RSPH9: variants seen among roughly 807,000 people sequenced by gnomAD.
RSPH9 encodes the protein radial spoke head component 9.
A neutral mutation model predicts 27.0 loss-of-function variants in RSPH9; 27 were observed. The ratio of observed to expected loss-of-function variants is 1.00; its 90% confidence interval spans 0.74 to 1.38. RSPH9 has a LOEUF of 1.38. Among genes scored for constraint, RSPH9 ranks in the 40% most tolerant of loss-of-function variants. The probability of loss-of-function intolerance (pLI) is 0.00; values close to 1 mark genes in which losing one functional copy is unlikely to be tolerated. For synonymous variants in RSPH9, 145 were observed against 147.7 expected (o/e 0.98, Z 0.13); for missense variants, 347 against 357.4 (o/e 0.97, Z 0.24).
At chr6:43,663,551 ATTGT>A (rs1264630302) in intron 4 of RSPH9, among the ~76,000 whole-genome samples, 1 of 152,038 alleles carries the variant, frequency 6.6e-6, no homozygotes, top group Non-Finnish European at 1.5e-5. Context: ...TAATTTCATG[ATTGT>A]TGTGTCTCAG....
chr6:43,671,736 AG>A lies in RSPH9; in HGVS notation c.*789del. ...TCCTACTCCCCAGCACAGGTGCAGGAGGAACTCTGGAAGCACTGCTCTCTGT... is the reference window on the plus strand; with the variant it reads ...TCCTACTCCCCAGCACAGGTGCAGGAGAACTCTGGAAGCACTGCTCTCTGT... On this transcript the variant is annotated 3_prime_UTR_variant, in exon 5 of 5. Coordinates refer to ENST00000372163, the MANE Select transcript of RSPH9 (RefSeq NM_152732.5). 1 of 1,613,960 alleles carries A rather than the reference AG, an allele frequency of 6.2e-7. No homozygotes were observed. The highest frequency in any genetic ancestry group is 8.5e-7 in the Non-Finnish European group (1 of 1,179,898).
At chr6:43,659,575 G>T (rs903695498) in intron 4 of RSPH9, among the ~76,000 whole-genome samples, 1 of 151,582 alleles carries the variant, frequency 6.6e-6, no homozygotes, top group Non-Finnish European at 1.5e-5. Context: ...ATAGAGTTGG[G>T]GTTTCACTGT....
At position 43,655,639 on chromosome 6, in the gene RSPH9, C is replaced by T. The variant is rs772977982; in HGVS notation, c.471C>T (p.Gly157=). Residue 157 remains glycine, a synonymous_variant, in exon 3 of 5, where the codon GGC becomes GGT. Coordinates refer to ENST00000372163, the MANE Select transcript of RSPH9 (RefSeq NM_152732.5). ...AGGCTGTGGCCATCATCCCCCGAGGCGCCCTCTTCAAGACCCCTTTTGGAC... is the reference window on the plus strand; with the variant it reads ...AGGCTGTGGCCATCATCCCCCGAGGTGCCCTCTTCAAGACCCCTTTTGGAC... ...IDKAVAIIPR[G]ALFKTPFGPT... is the part of the protein sequence containing the mutation. The T allele has an allele frequency of 1.7e-5, 28 of 1,614,044 alleles. No homozygotes were observed. Among genetic ancestry groups the T allele is most frequent in the Middle Eastern group, 3.3e-4 (2 of 6,084 alleles).
At chr6:43,659,184 T>C (rs2127916120) in intron 4 of RSPH9, among the ~76,000 whole-genome samples, 1 of 152,192 alleles carries the variant, frequency 6.6e-6, no homozygotes, top group Admixed American at 6.5e-5. Context: ...TAGTTCTTTT[T>C]CTTCTTCCAC....
At chr6:43,646,749 T>C (rs976436709) in intron 1 of RSPH9, among the ~76,000 whole-genome samples, 3 of 147,770 alleles carry the variant, frequency 2.0e-5, no homozygotes, top group Admixed American at 2.0e-4. Context: ...GATCACGAGG[T>C]CAGGAGATTG....
At chr6:43,655,912 G>A (rs1382343884) in intron 3 of RSPH9, among the ~76,000 whole-genome samples, 1 of 152,110 alleles carries the variant, frequency 6.6e-6, no homozygotes, top group African/African-American at 2.4e-5. Flanking sequence ...AGGAGTGGGA[G>A]AGCATATAGT....
rs567964345 is a variant in RSPH9, at chr6:43,659,927, G to T, written c.670+3204G>T. 1.8e-4 allele frequency among the ~76,000 whole-genome samples: 27 copies of T among 151,482 alleles called. No individual in the cohort carries two copies. In the South Asian group the frequency reaches 4.8e-3, roughly 27 times the overall value. On this transcript the variant is annotated intron_variant, in intron 4 of 4. Transcript: ENST00000372163. ...TTAAAAATATTTTTAGTAGAGACAG[G>T]GTTTCACCAAGTTGTCCAGGCTGCT...
chr6:43,647,133 CAAAT>C (rs529012199), intron 1 of RSPH9, among the ~76,000 whole-genome samples: 2 of 135,830 alleles, frequency 1.5e-5, no homozygotes, highest in Non-Finnish European at 3.5e-5. Flanking sequence ...TGTCTCAAAA[CAAAT>C]AAATAAATAA....
At chr6:43,648,468 A>G (rs569644033) in intron 1 of RSPH9, among the ~76,000 whole-genome samples, 1 of 152,338 alleles carries the variant, frequency 6.6e-6, no homozygotes, top group Admixed American at 6.5e-5. Context: ...GTGGAACCGC[A>G]TGGAGACTAG....
intron 3 of RSPH9, 56 bp from the exon 4 acceptor site, chr6:43,656,521 G>A (rs1250610800): frequency 1.7e-5 from 27 of 1,608,178 alleles, no homozygotes; most frequent in Non-Finnish European, 2.1e-5. Context: ...CAGACAGAAA[G>A]GGGGCTGGGG....
At chr6:43,649,636 G>C (rs999384662) in intron 1 of RSPH9, among the ~76,000 whole-genome samples, 1 of 152,078 alleles carries the variant, frequency 6.6e-6, no homozygotes, top group African/African-American at 2.4e-5. Context: ...AACCAGGTGG[G>C]CCTGGTGAGT....
rs77473340 is a variant in RSPH9 at position 43,650,273 on chromosome 6, C to T, written c.228-102C>T. On this transcript the variant is annotated intron_variant, in intron 1 of 4. Coordinates refer to ENST00000372163, the MANE Select transcript of RSPH9 (RefSeq NM_152732.5). ...TTGGGAGGAAAGGTGGCCATTTCAA[C>T]AGCTTTTCCTGGGCCCAACCCACTA... The T allele has an allele frequency of 3.3e-3, 4,621 of 1,416,882 alleles. 100 individuals are homozygous for T. In the African/African-American group the frequency reaches 0.05, roughly 15 times the overall value. The allele number at this position is 1,416,882 out of a possible 1,614,324, so 87.8% of individuals were successfully genotyped here. A position where few individuals can be genotyped will look rare whatever the true frequency, so the allele number is the denominator to read the frequency against.
chr6:43,667,709 C>T (rs981293757), intron 4 of RSPH9, among the ~76,000 whole-genome samples: 7 of 152,314 alleles, frequency 4.6e-5, no homozygotes, highest in Middle Eastern at 3.4e-3. Flanking sequence ...GTCCTCAGGC[C>T]TCTAGGGGGT....
At chr6:43,657,144 A>C (rs1010211107) in intron 4 of RSPH9, among the ~76,000 whole-genome samples, 13 of 152,182 alleles carry the variant, frequency 8.5e-5, no homozygotes, top group African/African-American at 3.1e-4. Flanking sequence ...CCTTCCCTTG[A>C]GCATCTCTGG....
At chr6:43,659,088 C>G (rs1247267524) in intron 4 of RSPH9, among the ~76,000 whole-genome samples, 2 of 152,222 alleles carry the variant, frequency 1.3e-5, no homozygotes, top group Admixed American at 6.5e-5. Context: ...CTTTGCTCAT[C>G]TGTAAGAAGC....
intron 4 of RSPH9, among the ~76,000 whole-genome samples, chr6:43,665,325 T>G (rs1039489047): frequency 5.9e-5 from 9 of 152,310 alleles, no homozygotes; most frequent in African/African-American, 2.2e-4. Flanking sequence ...AATGTGGAGC[T>G]TTGGAGTCTT....
Position 43,671,504 on chromosome 6 carries a change from C to T in RSPH9, c.*555C>T. ...ACTGCGTTGGGCAAAACTCCTGTCC[C>T]CAGCACTGAGCATGGCCTAAGCCCC... On this transcript the variant is annotated 3_prime_UTR_variant, in exon 5 of 5. Coordinates refer to ENST00000372163, the MANE Select transcript of RSPH9 (RefSeq NM_152732.5). The T allele has an allele frequency of 3.6e-6, 2 of 550,058 alleles. No homozygotes were observed. The highest frequency in any genetic ancestry group is 6.5e-6 in the Non-Finnish European group (2 of 307,000). 34.1% of individuals were successfully genotyped at this position (550,058 alleles called of 1,614,324 possible).
Position 43,655,654 on chromosome 6 carries a change from C to T in RSPH9, c.486C>T (p.Thr162=), listed in dbSNP as rs1771925067. 1 of 1,614,218 alleles carries T rather than the reference C, an allele frequency of 6.2e-7. No individual in the cohort carries two copies. The highest frequency in any genetic ancestry group is 8.5e-7 in the Non-Finnish European group (1 of 1,180,038). Residue 162 remains threonine (T), a synonymous_variant, in exon 3 of 5, where the codon ACC becomes ACT. Transcript: ENST00000372163. ...TCCCCCGAGGCGCCCTCTTCAAGAC[C>T]CCTTTTGGACCCACCCATGTCAATC... ...AIIPRGALFK[T]PFGPTHVNRT... is the part of the protein sequence containing the mutation.
At chr6:43,657,330 A>G (rs192477277) in intron 4 of RSPH9, among the ~76,000 whole-genome samples, 12 of 152,368 alleles carry the variant, frequency 7.9e-5, no homozygotes, top group South Asian at 4.1e-4. Flanking sequence ...TGACAACAAT[A>G]ACAACTAACT....
Sources: allele counts gnomAD v4.1 joint callset (sites outside exome capture counted in the v4.1 genomes callset), GRCh38; gene constraint gnomAD v4.1.1; transcripts MANE v1.5; gene names NCBI Gene and HGNC (gene_info 2026-07-23, HGNC 2026-07-21).